Variants in CIITA observed in about 807,000 individuals in gnomAD.
The protein encoded by CIITA is class II major histocompatibility complex transactivator.
In CIITA, 72 loss-of-function variants were observed where a neutral mutation model predicts 115.1. The observed-to-expected ratio is 0.63, with a 90% CI of 0.52 to 0.76. The LOEUF (loss-of-function observed/expected upper bound fraction) is 0.76, where lower values mean the gene tolerates loss of function less well. Among genes scored for constraint, CIITA ranks in the 30% least tolerant of loss-of-function variants. The pLI is 0.00. For missense variants in CIITA, 1,617 were observed against 1,463.8 expected (o/e 1.10, Z -1.71); for synonymous variants, 763 against 635.6 (o/e 1.20, Z -3.02).
rs751280030 is a variant in CIITA at position 10,923,180 on chromosome 16, C to T, written c.3318-48C>T. ...GGGCAGCTGTCACTGGGGCCCCAGGCCGCCCTCTCTCCTCTAACCTGGCTC... is the reference window on the plus strand; with the variant it reads ...GGGCAGCTGTCACTGGGGCCCCAGGTCGCCCTCTCTCCTCTAACCTGGCTC... On this transcript the variant is annotated intron_variant, in intron 18 of 19. Transcript: ENST00000324288. This position sits in a 1 kb window ranked among gnomAD's most constrained non-coding sequence, Gnocchi z 5.2. The T allele has an allele frequency of 8.9e-6, 14 of 1,571,486 alleles. No individual in the cohort carries two copies. Among genetic ancestry groups the T allele is most frequent in the Admixed American group, 8.3e-5 (5 of 59,952 alleles).
intron 1 of CIITA, among the ~76,000 whole-genome samples, chr16:10,882,002 C>T (rs1339616237): frequency 1.3e-5 from 2 of 152,148 alleles, no homozygotes; most frequent in Non-Finnish European, 2.9e-5. Flanking sequence ...TGTGTAATTC[C>T]TTTCTATGGC....
In CIITA at chr16:10,906,559, C is replaced by T. The variant is rs527539420; in HGVS notation, c.1067C>T (p.Pro356Leu). ...QDTYGAEPAG[P>L]DGILVEVDLV... is the part of the protein sequence containing the mutation. ...ACGTATGGTGCCGAGCCCGCAGGCC[C>T]GGATGGCATCCTAGTGGAGGTGGAT... The change falls in exon 11 of 20, where the codon CCG becomes CTG. Residue 356 changes from proline to leucine, a missense_variant. Transcript: ENST00000324288. 8.1e-6 allele frequency: 13 copies of T among 1,613,132 alleles called. No individual in the cohort carries two copies. Among genetic ancestry groups the T allele is most frequent in the South Asian group, 2.2e-5 (2 of 91,036 alleles).
At chr16:10,921,815 C>T (rs1796863000) in intron 16 of CIITA, among the ~76,000 whole-genome samples, 1 of 152,170 alleles carries the variant, frequency 6.6e-6, no homozygotes, top group Admixed American at 6.5e-5. Context: ...GCAGTAATCC[C>T]AGTAGGTGGT....
In CIITA at chr16:10,918,509, A is replaced by G. The variant is rs202095013; in HGVS notation, c.3132A>G (p.Ala1044=). 3 of 1,614,118 alleles carry G rather than the reference A, an allele frequency of 1.9e-6. No individual in the cohort carries two copies. The highest frequency in any genetic ancestry group is 1.7e-5 in the Admixed American group (1 of 60,028). Residue 1044 remains alanine, a synonymous_variant, in exon 16 of 20, where the codon GCA becomes GCG. Coordinates refer to ENST00000324288, the MANE Select transcript of CIITA (RefSeq NM_000246.4). ...KLAEALPSLA[A]SLLRLSLYNN... ...CCGAGGCCCTGCCTTCGCTCGCTGC[A>G]TCCCTGCTCAGGCTAAGGTGAGTGG...
chr16:10,877,673 C>G (rs1283764784), intron 1 of CIITA, among the ~76,000 whole-genome samples: 3 of 152,224 alleles, frequency 2.0e-5, no homozygotes, highest in African/African-American at 7.2e-5. Context: ...GCATGCTGGC[C>G]TGGCTCGGCC....
rs747695239 is a variant in CIITA at position 10,922,138 on chromosome 16, T to A, written c.3150-29T>A. On this transcript the variant is annotated intron_variant, in intron 16 of 19. Transcript: ENST00000324288. ...AGGCTGACCATGCACAGGCCTCCAA[T>A]CCCTCCCCCTGGCCTCTGTTTCCGA... 3.1e-6 allele frequency: 5 copies of A among 1,605,800 alleles called. 1 individual carries two copies. The South Asian group carries it at 5.5e-5, about 18-fold the overall frequency.
At position 10,903,856 on chromosome 16, in the gene CIITA, A is replaced by G. The variant is rs747702495; in HGVS notation, c.898A>G (p.Met300Val). Residue 300 changes from methionine to valine, a missense_variant, in exon 9 of 20, where the codon ATG (methionine) becomes GTG (valine). Met to Val is a conservative substitution (Grantham distance 21). Transcript: ENST00000324288. ...TCCATCAGCCACTGACCTGCCCAGC[A>G]TGCCTGAACCTGCCCTGACCTCCCG... Reference protein sequence around the residue: ...FAPSATDLPSMPEPALTSRAN... With the variant: ...FAPSATDLPSVPEPALTSRAN... 3 of 1,614,086 alleles carry G rather than the reference A, an allele frequency of 1.9e-6. No individual in the cohort carries two copies. Among genetic ancestry groups the G allele is most frequent in the Non-Finnish European group, 2.5e-6 (3 of 1,180,036 alleles).
chr16:10,942,940 C>T lies in CIITA; in HGVS notation n.2066C>T, dbSNP rs1271545456. On this transcript the variant is annotated non_coding_transcript_exon_variant, in exon 2 of 2. Coordinates refer to the CIITA transcript ENST00000573379. The surrounding 1 kb of genome is among the most constrained non-coding windows in gnomAD (Gnocchi z 5.0). ...TCCAAACTCTGGTTGCTGGAAGGTC[C>T]GCCCACTACGGAACCTGCATCCTAG... The T allele has an allele frequency of 3.3e-5, 5 of 152,178 alleles. No homozygotes were observed. The highest frequency in any genetic ancestry group is 1.9e-4 in the East Asian group (1 of 5,200). The allele number at this position is 152,178 out of a possible 1,614,324, so 9.4% of individuals were successfully genotyped here. A position where few individuals can be genotyped will look rare whatever the true frequency, so the allele number is the denominator to read the frequency against.
At chr16:10,903,136 G>A (rs1007132515) in intron 8 of CIITA, among the ~76,000 whole-genome samples, 1 of 152,194 alleles carries the variant, frequency 6.6e-6, no homozygotes, top group South Asian at 2.1e-4. Context: ...CTAATGACAA[G>A]TGATGTTTAC....
At chr16:10,894,497 A>T (rs1367293190) in intron 1 of CIITA, among the ~76,000 whole-genome samples, 1 of 152,190 alleles carries the variant, frequency 6.6e-6, no homozygotes, top group African/African-American at 2.4e-5. Context: ...AATATGATAC[A>T]TATTTATGGG....
Position 10,901,737 on chromosome 16 carries a change from T to C in CIITA, c.481+179T>C, listed in dbSNP as rs2038779391. 4 of 702,396 alleles carry C rather than the reference T, an allele frequency of 5.7e-6. No homozygotes were observed. The highest frequency in any genetic ancestry group is 9.7e-6 in the Non-Finnish European group (4 of 413,502). 43.5% of individuals were successfully genotyped at this position (702,396 alleles called of 1,614,324 possible). ...AGTCCTCTAAGGGGCTCACGACTGT[T>C]TGTGGAAGGTGGTAGGGGCTTGGAG... On this transcript the variant is annotated intron_variant, in intron 6 of 19. Transcript: ENST00000324288. The surrounding 1 kb of genome is among the most constrained non-coding windows in gnomAD (Gnocchi z 6.8).
At chr16:10,877,435 GC>G (rs1201899290) in intron 1 of CIITA, 53 bp downstream of exon 1, 2 of 1,555,216 alleles carry the variant, frequency 1.3e-6, no homozygotes, top group Non-Finnish European at 1.8e-6. Flanking sequence ...AGCTGGTCCT[GC>G]CATTCCAGAT....
chr16:10,922,982 A>G (rs2040356022), intron 18 of CIITA: 2 of 572,316 alleles, frequency 3.5e-6, no homozygotes, highest in Non-Finnish European at 6.3e-6. Context: ...GAGGAAAATA[A>G]AGCACAGAGC....
At chr16:10,899,109 C>T (rs1459425903) in intron 5 of CIITA, 107 bp downstream of exon 5, 3 of 1,086,116 alleles carry the variant, frequency 2.8e-6, no homozygotes, top group Non-Finnish European at 4.2e-6. Context: ...TAAGTCCTGT[C>T]TGGTTGGGAG....
chr16:10,940,452 G>A (rs970244562), downstream of CIITA: 3 of 152,240 alleles, frequency 2.0e-5, no homozygotes, highest in African/African-American at 7.2e-5. This position sits in a 1 kb window ranked among gnomAD's most constrained non-coding sequence, Gnocchi z 4.2. Flanking sequence ...TGCGGTGAAT[G>A]GCATTAGTGT....
intron 3 of CIITA, among the ~76,000 whole-genome samples, chr16:10,898,451 G>C (rs972714603): frequency 2.0e-5 from 3 of 151,880 alleles, no homozygotes; most frequent in Non-Finnish European, 4.4e-5. Context: ...TGTAGCAGTA[G>C]ATAAGTTTTC....
intron 13 of CIITA, among the ~76,000 whole-genome samples, chr16:10,913,274 C>CCTTTCTTT (rs111275305): frequency 8.6e-5 from 13 of 150,314 alleles, no homozygotes; most frequent in South Asian, 2.1e-4. Context: ...TTCTTTCCCT[C>CCTTTCTTT]CTTTCTTTCT....
upstream of CIITA, among the ~76,000 whole-genome samples, chr16:10,876,242 C>T (rs578125760): frequency 2.6e-5 from 4 of 152,178 alleles, no homozygotes; most frequent in Admixed American, 6.5e-5. Flanking sequence ...CTCCAACTCC[C>T]GGCTTCAAGC....
Position 10,923,107 on chromosome 16 carries a change from A to T in CIITA, c.3318-121A>T. The T allele has an allele frequency of 1.2e-6, 1 of 852,110 alleles. No individual in the cohort carries two copies. Among genetic ancestry groups the T allele is most frequent in the East Asian group, 2.4e-5 (1 of 41,256 alleles). The allele number at this position is 852,110 out of a possible 1,614,324, so 52.8% of individuals were successfully genotyped here. On this transcript the variant is annotated intron_variant, in intron 18 of 19. Coordinates refer to ENST00000324288, the MANE Select transcript of CIITA (RefSeq NM_000246.4). The surrounding 1 kb of genome is among the most constrained non-coding windows in gnomAD (Gnocchi z 5.2). ...GACCCACACCGGTCGGTATCTTGCC[A>T]GGGGAAAAGTCCCCAACGTTCTAGG...
Sources: allele counts gnomAD v4.1 joint callset (sites outside exome capture counted in the v4.1 genomes callset), GRCh38; gene constraint gnomAD v4.1.1; non-coding constraint Gnocchi (gnomAD v3.1); transcripts MANE v1.5; gene names NCBI Gene and HGNC (gene_info 2026-07-23, HGNC 2026-07-21).